The following IL10RA variants were observed in gnomAD, a reference collection of about 807,000 sequenced individuals.
The protein encoded by IL10RA is interleukin-10 receptor subunit alpha.
In IL10RA, 18 loss-of-function variants were observed where a neutral mutation model predicts 29.6. That is an observed-to-expected ratio of 0.61 (90% CI 0.42 to 0.90). The LOEUF (loss-of-function observed/expected upper bound fraction) is 0.90, where lower values mean the gene tolerates loss of function less well. Ranked by LOEUF, IL10RA falls within the 40% of genes least tolerant of loss-of-function variation. The pLI is 0.00. For missense variants in IL10RA, 634 were observed against 716.6 expected, an observed-to-expected ratio of 0.88 and a Z score of 1.32; for synonymous variants, 292 against 294.1, an observed-to-expected ratio of 0.99 and a Z score of 0.07.
Position 117,986,437 on chromosome 11 carries a change from C to T in IL10RA, c.-31C>T. On this transcript the variant is annotated 5_prime_UTR_variant, in exon 1 of 7. Transcript: ENST00000227752. ...GCTGGAGGCGCGCAGGCCGGCTCCG[C>T]TCCGGCCCCGGACGATGCGGCGCGC... 1 of 1,545,568 alleles carries T rather than the reference C, an allele frequency of 6.5e-7. No homozygotes were observed. The highest frequency in any genetic ancestry group is 1.4e-5 in the African/African-American group (1 of 73,070).
intron 5 of IL10RA, among the ~76,000 whole-genome samples, chr11:117,994,626 G>A (rs969524439): frequency 2.0e-5 from 3 of 152,222 alleles, no homozygotes; most frequent in South Asian, 2.1e-4. Flanking sequence ...TGCCGGGGCT[G>A]TAGGGGGAGG....
Position 117,989,670 on chromosome 11 carries a change from C to G in IL10RA, c.367+50C>G, listed in dbSNP as rs1395103006. Reference sequence around the variant, plus strand: ...ACATGGCTCTGAAGTCCCTTCCAGCCAGGAACTCTAGTCTAGAGCTTTTCT... The same window carrying G: ...ACATGGCTCTGAAGTCCCTTCCAGCGAGGAACTCTAGTCTAGAGCTTTTCT... On this transcript the variant is annotated intron_variant, in intron 3 of 6. Coordinates refer to ENST00000227752, the MANE Select transcript of IL10RA (RefSeq NM_001558.4). The surrounding 1 kb of genome is among the most constrained non-coding windows in gnomAD (Gnocchi z 4.5). The G allele has an allele frequency of 6.4e-7, 1 of 1,570,786 alleles. No individual in the cohort carries two copies. Among genetic ancestry groups the G allele is most frequent in the Non-Finnish European group, 8.7e-7 (1 of 1,146,174 alleles).
At chr11:117,991,040 T>A (rs998331621) in intron 3 of IL10RA, among the ~76,000 whole-genome samples, 2 of 151,910 alleles carry the variant, frequency 1.3e-5, no homozygotes, top group African/African-American at 4.8e-5. Flanking sequence ...CTTCTAAAAA[T>A]ACAAAAATTA....
In IL10RA at chr11:117,998,972, G is replaced by A; in HGVS notation, c.1068G>A (p.Leu356=). 6.2e-7 allele frequency: 1 copy of A among 1,613,466 alleles called. No homozygotes were observed. Among genetic ancestry groups the A allele is most frequent in the Non-Finnish European group, 8.5e-7 (1 of 1,179,552 alleles). The change falls in exon 7 of 7, where the codon CTG becomes CTA. Residue 356 remains leucine (L), a synonymous_variant. Transcript: ENST00000227752. ...RTLGNREPPV[L]GDSCSSGSSN... Reference sequence around the variant, plus strand: ...TGGGAAACAGGGAGCCCCCTGTGCTGGGGGACAGCTGCAGTAGTGGCAGCA... The same window carrying A: ...TGGGAAACAGGGAGCCCCCTGTGCTAGGGGACAGCTGCAGTAGTGGCAGCA...
chr11:117,997,751 A>C (rs2058065286), intron 6 of IL10RA, among the ~76,000 whole-genome samples: 1 of 152,194 alleles, frequency 6.6e-6, no homozygotes, highest in African/African-American at 2.4e-5. Flanking sequence ...GACGAAAACA[A>C]ACAAGTAAAA....
intron 3 of IL10RA, among the ~76,000 whole-genome samples, chr11:117,990,682 A>G (rs2058016709): frequency 6.6e-6 from 1 of 152,206 alleles, no homozygotes; most frequent in African/African-American, 2.4e-5. Context: ...GTTTGCAATT[A>G]CTAAAGCTGG....
rs1247115639 is a variant in IL10RA, at chr11:117,994,067, T to C, written c.606T>C (p.Cys202=). 6.2e-7 allele frequency: 1 copy of C among 1,614,086 alleles called. No homozygotes were observed. Among genetic ancestry groups the C allele is most frequent in the East Asian group, 2.2e-5 (1 of 44,890 alleles). ...CCTCTGGAGAAGTGGGAGAGTTCTG[T>C]GTCCAGGTGAAACCATCTGTCGCTT... ...LLTSGEVGEF[C]VQVKPSVASR... The change falls in exon 5 of 7, where the codon TGT becomes TGC. Residue 202 remains cysteine, a synonymous_variant. Coordinates refer to ENST00000227752, the MANE Select transcript of IL10RA (RefSeq NM_001558.4).
In IL10RA at chr11:117,988,409, T is replaced by C. The variant is rs1310932449; in HGVS notation, c.95T>C (p.Val32Ala). The C allele has an allele frequency of 2.5e-6, 4 of 1,614,148 alleles. No individual in the cohort carries two copies. The highest frequency in any genetic ancestry group is 1.3e-5 in the African/African-American group (1 of 75,034). The change falls in exon 2 of 7, where the codon GTG (valine) becomes GCG (alanine). Residue 32 changes from valine (V) to alanine (A), a missense_variant. Val to Ala is a moderately conservative substitution (Grantham distance 64). Coordinates refer to ENST00000227752, the MANE Select transcript of IL10RA (RefSeq NM_001558.4). ...ACAGAGCTGCCCAGCCCTCCGTCTGTGTGGTTTGAAGCAGAATTTTTCCAC... is the reference window on the plus strand; with the variant it reads ...ACAGAGCTGCCCAGCCCTCCGTCTGCGTGGTTTGAAGCAGAATTTTTCCAC... ...HGTELPSPPS[V>A]WFEAEFFHHI...
intron 2 of IL10RA, 53 bp downstream of exon 2, chr11:117,988,555 C>G: frequency 2.5e-6 from 4 of 1,603,488 alleles, no homozygotes; most frequent in Non-Finnish European, 3.4e-6. Flanking sequence ...CCGCCTTGTC[C>G]TCTACTCTCC....
In IL10RA at chr11:117,989,117, A is replaced by G. The variant is rs2058006511; in HGVS notation, c.189-325A>G. ...GAAGCATCCACAGTACAGCCAGACA[A>G]CAGGGGAACACTAATGACTGTAAAG... On this transcript the variant is annotated intron_variant, in intron 2 of 6. Transcript: ENST00000227752. The surrounding 1 kb of genome is among the most constrained non-coding windows in gnomAD (Gnocchi z 4.5). Among the ~76,000 whole-genome samples the G allele has an allele frequency of 6.6e-6, 1 of 152,248 alleles. No individual in the cohort carries two copies.
At chr11:118,002,508 C>G (rs1317900090), downstream of IL10RA, 1 of 152,162 alleles carries the variant, frequency 6.6e-6, no homozygotes, top group African/African-American at 2.4e-5. Flanking sequence ...GAGGTGTTAG[C>G]GATGGCTTAT....
chr11:117,988,859 C>T lies in IL10RA; in HGVS notation c.188+357C>T, dbSNP rs145578787. 2.6e-5 allele frequency among the ~76,000 whole-genome samples: 4 copies of T among 152,342 alleles called. No homozygotes were observed. In the East Asian group the frequency reaches 7.7e-4, roughly 29 times the overall value. The stretch of plus-strand genomic sequence containing the variant: ...CACTGCAGCCTCTGCCTCCTGGGTT[C>T]AAGCAATTCTCCCATCTCAGCCTCC... On this transcript the variant is annotated intron_variant, in intron 2 of 6. Coordinates refer to ENST00000227752, the MANE Select transcript of IL10RA (RefSeq NM_001558.4).
chr11:117,994,828 T>C, intron 5 of IL10RA: 1 of 155,974 alleles, frequency 6.4e-6, no homozygotes, highest in South Asian at 2.0e-4. Flanking sequence ...GGGCAGAGTC[T>C]GGCAAAGGTG....
Position 117,986,408 on chromosome 11 carries a change from G to A in IL10RA, c.-60G>A. ...GCGGAGCTGTCAGTCCCAGCCCAAG[G>A]GTAGCTGGAGGCGCGCAGGCCGGCT... On this transcript the variant is annotated 5_prime_UTR_variant, in exon 1 of 7. Transcript: ENST00000227752. 2 of 1,483,868 alleles carry A rather than the reference G, an allele frequency of 1.3e-6. No individual in the cohort carries two copies. The highest frequency in any genetic ancestry group is 1.8e-6 in the Non-Finnish European group (2 of 1,091,196). The allele number at this position is 1,483,868 out of a possible 1,614,324, so 91.9% of individuals were successfully genotyped here.
rs1474591646 is a variant in IL10RA at position 118,001,478 on chromosome 11, C to T, written c.*1837C>T. 4.8e-6 allele frequency: 2 copies of T among 414,816 alleles called. No homozygotes were observed. Among genetic ancestry groups the T allele is most frequent in the African/African-American group, 4.1e-5 (2 of 48,398 alleles). The allele number at this position is 414,816 out of a possible 1,614,324, so 25.7% of individuals were successfully genotyped here. A position where few individuals can be genotyped will look rare whatever the true frequency, so the allele number is the denominator to read the frequency against. On this transcript the variant is annotated 3_prime_UTR_variant, in exon 7 of 7. Coordinates refer to ENST00000227752, the MANE Select transcript of IL10RA (RefSeq NM_001558.4). ...TTATTCCAATAAATTGTCAAGACCA[C>T]AGGAATCGTGTGAAACTAGTCAGAT... is the stretch of plus-strand genomic sequence containing the variant.
chr11:118,001,845 G>A (rs1033767768), downstream of IL10RA: 30 of 178,784 alleles, frequency 1.7e-4, no homozygotes, highest in African/African-American at 6.9e-4. Context: ...AAGAAAAATG[G>A]ACAGCTTTTC....
At position 117,999,513 on chromosome 11, in the gene IL10RA, T is replaced by G. The variant is rs2058079724; in HGVS notation, c.1609T>G (p.Ser537Ala). 1.2e-6 allele frequency: 2 copies of G among 1,614,206 alleles called. No homozygotes were observed. Among genetic ancestry groups the G allele is most frequent in the East Asian group, 4.5e-5 (2 of 44,884 alleles). ...ALSSCSDLGI[S>A]DWSFAHDLAP... ...GAGCAGCTGCAGTGACCTGGGAATATCTGACTGGAGCTTTGCCCATGACCT... is the reference window on the plus strand; with the variant it reads ...GAGCAGCTGCAGTGACCTGGGAATAGCTGACTGGAGCTTTGCCCATGACCT... Residue 537 changes from serine to alanine, a missense_variant, in exon 7 of 7, where the codon TCT becomes GCT. Coordinates refer to ENST00000227752, the MANE Select transcript of IL10RA (RefSeq NM_001558.4).
chr11:117,989,524 T>C lies in IL10RA; in HGVS notation c.271T>C (p.Tyr91His), dbSNP rs764915638. ...YDLTAVTLDL[Y>H]HSNGYRARVR... ...CCTTACCGCAGTGACCTTGGACCTGTACCACAGCAATGGCTACCGGGCCAG... is the reference window on the plus strand; with the variant it reads ...CCTTACCGCAGTGACCTTGGACCTGCACCACAGCAATGGCTACCGGGCCAG... Residue 91 changes from tyrosine (Y) to histidine (H), a missense_variant, in exon 3 of 7, where the codon TAC becomes CAC. Tyr to His is a moderately conservative substitution (Grantham distance 83, BLOSUM62 2). Coordinates refer to ENST00000227752, the MANE Select transcript of IL10RA (RefSeq NM_001558.4). This position sits in a 1 kb window ranked among gnomAD's most constrained non-coding sequence, Gnocchi z 4.5. 6.2e-7 allele frequency: 1 copy of C among 1,614,180 alleles called. No individual in the cohort carries two copies. Among genetic ancestry groups the C allele is most frequent in the Non-Finnish European group, 8.5e-7 (1 of 1,180,030 alleles).
Position 117,989,542 on chromosome 11 carries a change from C to T in IL10RA, c.289C>T (p.Arg97Trp), listed in dbSNP as rs374330101. The change falls in exon 3 of 7, where the codon CGG becomes TGG. Residue 97 changes from arginine (R) to tryptophan (W), a missense_variant. Physicochemically the swap from Arg to Trp is moderately radical, Grantham distance 101. Coordinates refer to ENST00000227752, the MANE Select transcript of IL10RA (RefSeq NM_001558.4). This position sits in a 1 kb window ranked among gnomAD's most constrained non-coding sequence, Gnocchi z 4.5. ...TLDLYHSNGY[R>W]ARVRAVDGSR... ...GGACCTGTACCACAGCAATGGCTAC[C>T]GGGCCAGAGTGCGGGCTGTGGACGG... The T allele has an allele frequency of 8.7e-5, 140 of 1,614,156 alleles. No homozygotes were observed. The highest frequency in any genetic ancestry group is 1.0e-4 in the Non-Finnish European group (122 of 1,180,028).
Sources: gnomAD v4.1 joint callset for allele counts (sites outside exome capture counted in the v4.1 genomes callset) on GRCh38, gnomAD v4.1.1 for gene constraint, Gnocchi (gnomAD v3.1) non-coding constraint, MANE v1.5 for transcripts, NCBI Gene and HGNC (gene_info 2026-07-23, HGNC 2026-07-21) for gene names.